Variants in ZCCHC17 observed in about 807,000 individuals in gnomAD.
ZCCHC17 encodes zinc finger CCHC domain-containing protein 17.
A neutral mutation model predicts 30.6 loss-of-function variants in ZCCHC17; 18 were observed. The observed-to-expected ratio is 0.59, with a 90% CI of 0.41 to 0.87. The LOEUF is 0.87. Ranked by LOEUF, ZCCHC17 falls within the 40% of genes least tolerant of loss-of-function variation. The pLI, the probability that ZCCHC17 is intolerant of heterozygous loss-of-function variation, is 0.00. For missense variants in ZCCHC17, 263 were observed against 284.2 expected, an observed-to-expected ratio of 0.93 and a Z score of 0.54; for synonymous variants, 88 against 92.4, an observed-to-expected ratio of 0.95 and a Z score of 0.27.
chr1:31,350,907 C>T lies in ZCCHC17; in HGVS notation c.564+1933C>T, dbSNP rs1639447318. Among the ~76,000 whole-genome samples the T allele has an allele frequency of 1.3e-5, 2 of 152,042 alleles. 1 individual carries two copies. Among genetic ancestry groups the T allele is most frequent in the South Asian group, 4.1e-4 (2 of 4,826 alleles). On this transcript the variant is annotated intron_variant, in intron 7 of 7. Transcript: ENST00000344147. ...GTGAGCCTCCGCGCCTGGCAAACTT[C>T]CGTTTTTTCATTTTCGAAGTGGGAT...
chr1:31,339,442 A>G (rs939128464), intron 5 of ZCCHC17, among the ~76,000 whole-genome samples: 2 of 152,218 alleles, frequency 1.3e-5, no homozygotes, highest in African/African-American at 4.8e-5. Flanking sequence ...CAGGAGGCAG[A>G]GGTTGCAGTG....
At chr1:31,321,926 A>G (rs1646870420) in intron 3 of ZCCHC17, among the ~76,000 whole-genome samples, 1 of 152,240 alleles carries the variant, frequency 6.6e-6, no homozygotes, top group Non-Finnish European at 1.5e-5. Context: ...CAAATTATTT[A>G]ATGGTTCACA....
At chr1:31,325,005 T>C (rs1287827390) in intron 3 of ZCCHC17, among the ~76,000 whole-genome samples, 3 of 152,074 alleles carry the variant, frequency 2.0e-5, no homozygotes, top group Non-Finnish European at 1.5e-5. Flanking sequence ...CACACACTTC[T>C]GAAGACTGTA....
chr1:31,337,062 T>TA, intron 3 of ZCCHC17, 113 bp from the exon 4 acceptor site: 1 of 945,596 alleles, frequency 1.1e-6, no homozygotes, highest in Non-Finnish European at 1.6e-6. Flanking sequence ...CGCTTTTCAG[T>TA]AAAAATTTTC....
chr1:31,340,415 T>G (rs1639005100), intron 5 of ZCCHC17, among the ~76,000 whole-genome samples: 1 of 148,498 alleles, frequency 6.7e-6, no homozygotes, highest in African/African-American at 2.5e-5. Flanking sequence ...CCTCCCAGGT[T>G]CAAGTGATTC....
intron 1 of ZCCHC17, among the ~76,000 whole-genome samples, chr1:31,302,271 A>G (rs962965823): frequency 1.3e-5 from 2 of 151,758 alleles, no homozygotes; most frequent in African/African-American, 2.4e-5. Context: ...GATCTGTCCA[A>G]CATATTAAAT....
At chr1:31,339,864 T>G (rs1638969218) in intron 5 of ZCCHC17, among the ~76,000 whole-genome samples, 1 of 152,038 alleles carries the variant, frequency 6.6e-6, no homozygotes, top group Non-Finnish European at 1.5e-5. Context: ...TCGTTGGCTC[T>G]TCTGACCTTT....
chr1:31,312,658 A>G (rs1307633004), intron 2 of ZCCHC17, among the ~76,000 whole-genome samples: 1 of 152,212 alleles, frequency 6.6e-6, no homozygotes, highest in Non-Finnish European at 1.5e-5. Context: ...TAAGAATACA[A>G]TGCCTGAGAC....
intron 7 of ZCCHC17, among the ~76,000 whole-genome samples, chr1:31,363,418 C>T (rs1366337083): frequency 1.3e-5 from 2 of 152,144 alleles, no homozygotes; most frequent in South Asian, 2.1e-4. Flanking sequence ...CTCCTGACCT[C>T]GTGATCCACC....
chr1:31,313,210 C>G (rs1330460002), intron 2 of ZCCHC17, among the ~76,000 whole-genome samples: 1 of 151,542 alleles, frequency 6.6e-6, no homozygotes, highest in Non-Finnish European at 1.5e-5. Context: ...CCCGAGGTAG[C>G]TGGGACTACA....
intron 1 of ZCCHC17, among the ~76,000 whole-genome samples, chr1:31,309,390 C>A (rs1418025906): frequency 2.0e-5 from 3 of 152,170 alleles, no homozygotes; most frequent in African/African-American, 7.2e-5. Context: ...TGATCTCTCA[C>A]TGCAGCCTCT....
intron 3 of ZCCHC17, among the ~76,000 whole-genome samples, chr1:31,323,327 CTTTTTTTT>C (rs969676471): frequency 2.0e-5 from 3 of 149,200 alleles, no homozygotes; most frequent in Non-Finnish European, 4.5e-5. Flanking sequence ...TTCTTTCTTT[CTTTTTTTT>C]TTTTGAGACG....
chr1:31,358,351 G>A (rs747990715), intron 7 of ZCCHC17, among the ~76,000 whole-genome samples: 1 of 152,198 alleles, frequency 6.6e-6, no homozygotes, highest in Non-Finnish European at 1.5e-5. Context: ...TAGAGGTTTT[G>A]AGCAGAGGAA....
At position 31,313,847 on chromosome 1, in the gene ZCCHC17, TTTCTC is replaced by T. The variant is rs370782391; in HGVS notation, c.66+3698_66+3702del. On this transcript the variant is annotated intron_variant, in intron 2 of 7. Coordinates refer to ENST00000344147, the MANE Select transcript of ZCCHC17 (RefSeq NM_016505.4). ...CCTAACCTACAGCTCGCTCTTTTCTTTTCTCTTCTCTTCTCTTCTTTCTCTTTTTT... is the reference window on the plus strand; with the variant it reads ...CCTAACCTACAGCTCGCTCTTTTCTTTTCTCTTCTCTTCTTTCTCTTTTTT... Among the ~76,000 whole-genome samples, 440 of 151,894 alleles carry T rather than the reference TTTCTC, an allele frequency of 2.9e-3. 3 individuals carry two copies. The highest frequency in any genetic ancestry group is 9.8e-3 in the African/African-American group (406 of 41,350).
chr1:31,347,217 T>G (rs1417554953), intron 6 of ZCCHC17, among the ~76,000 whole-genome samples: 1 of 152,224 alleles, frequency 6.6e-6, no homozygotes, highest in Non-Finnish European at 1.5e-5. Context: ...TACAGGATAG[T>G]CACTTCTTTT....
intron 7 of ZCCHC17, among the ~76,000 whole-genome samples, chr1:31,361,733 A>T (rs918030384): frequency 6.6e-6 from 1 of 152,142 alleles, no homozygotes; most frequent in Non-Finnish European, 1.5e-5. Flanking sequence ...CAAGCCTTAG[A>T]TACTATCTCA....
chr1:31,363,944 T>C (rs1640030265), intron 7 of ZCCHC17, 88 bp from the exon 8 acceptor site: 1 of 1,526,648 alleles, frequency 6.6e-7, no homozygotes, highest in Admixed American at 2.2e-5. Flanking sequence ...ATTACAGGTG[T>C]GAGCCACTGC....
Position 31,346,759 on chromosome 1 carries a change from C to T in ZCCHC17, c.418+19C>T. 1.2e-6 allele frequency: 2 copies of T among 1,613,922 alleles called. No homozygotes were observed. The highest frequency in any genetic ancestry group is 2.2e-5 in the South Asian group (2 of 91,056). On this transcript the variant is annotated intron_variant, in intron 6 of 7. Transcript: ENST00000344147. ...TGTAAAGGTAGGGTGAAGCCTCTGC[C>T]CTTTCCACGTTTCTCTCCTTGTGGA... is the stretch of plus-strand genomic sequence containing the variant.
At chr1:31,313,477 G>A (rs1400593188) in intron 2 of ZCCHC17, among the ~76,000 whole-genome samples, 1 of 152,196 alleles carries the variant, frequency 6.6e-6, no homozygotes, top group Non-Finnish European at 1.5e-5. Flanking sequence ...ATAATGTGAG[G>A]TCTTGGAGGG....
Sources: allele counts gnomAD v4.1 joint callset (sites outside exome capture counted in the v4.1 genomes callset), GRCh38; gene constraint gnomAD v4.1.1; transcripts MANE v1.5; gene names NCBI Gene and HGNC (gene_info 2026-07-23, HGNC 2026-07-21).